ZFHX3: variants seen among roughly 807,000 people sequenced by gnomAD.
The protein encoded by ZFHX3 is zinc finger homeobox 3.
A neutral mutation model predicts 279.1 loss-of-function variants in ZFHX3; 42 were observed. That is an observed-to-expected ratio of 0.15 (90% CI 0.12 to 0.19). The LOEUF (loss-of-function observed/expected upper bound fraction) is 0.19, where lower values mean the gene tolerates loss of function less well. Among genes scored for constraint, ZFHX3 ranks in the 10% least tolerant of loss-of-function variants. The pLI, the probability that ZFHX3 is intolerant of heterozygous loss-of-function variation, is 1.00. For missense variants in ZFHX3, 4,981 were observed against 4,754.0 expected (o/e 1.05, Z -1.40); for synonymous variants, 2,293 against 1,957.8 (o/e 1.17, Z -4.52).
Position 73,809,079 on chromosome 16 carries a change from T to C in ZFHX3, c.-1608+82572A>G, listed in dbSNP as rs368663170. Among the ~76,000 whole-genome samples, 6 of 152,040 alleles carry C rather than the reference T, an allele frequency of 3.9e-5. No homozygotes were observed. In the East Asian group the frequency reaches 1.2e-3, roughly 29 times the overall value. On this transcript the variant is annotated intron_variant, in intron 1 of 17. Coordinates refer to the ZFHX3 transcript ENST00000641206. ...GTGCAATGTTTCCTAAAAGCAGGGG[T>C]TGATGGGAAGATGGGAGGAGGTACC...
At chr16:73,207,330 T>C (rs1443411507) in intron 5 of ZFHX3, among the ~76,000 whole-genome samples, 3 of 152,194 alleles carry the variant, frequency 2.0e-5, no homozygotes, top group Non-Finnish European at 2.9e-5. Context: ...TAAACGTTGT[T>C]CACTTTCCTC....
intron 1 of ZFHX3, among the ~76,000 whole-genome samples, chr16:73,725,544 T>G (rs9806839): frequency 2.8e-5 from 1 of 35,732 alleles, no homozygotes; most frequent in Non-Finnish European, 1.1e-4. Flanking sequence ...TGAGTGAGTG[T>G]GTGTGTGTGT....
At chr16:73,299,875 T>G (rs1053953038) in intron 4 of ZFHX3, among the ~76,000 whole-genome samples, 2 of 152,054 alleles carry the variant, frequency 1.3e-5, no homozygotes, top group Admixed American at 1.3e-4. Context: ...CAAAAACAAT[T>G]AGGGTAGTCT....
Position 72,797,986 on chromosome 16 carries a change from A to T in ZFHX3, c.4696T>A (p.Ser1566Thr). ...TTTAACTTATGCAGGTGGGAGACAG[A>T]ATTGTAGTGTACTAGCAGGATATTC... ...QKNILLVHYN[S>T]VSHLHKLKRA... is the part of the protein sequence containing the mutation. The change falls in exon 9 of 10, where the codon TCT (serine) becomes ACT (threonine). Residue 1566 changes from serine to threonine, a missense_variant. Ser to Thr is a moderately conservative substitution (Grantham distance 58, BLOSUM62 1). Transcript: ENST00000268489. 6.2e-7 allele frequency: 1 copy of T among 1,614,142 alleles called. No individual in the cohort carries two copies. Among genetic ancestry groups the T allele is most frequent in the Non-Finnish European group, 8.5e-7 (1 of 1,180,020 alleles).
In ZFHX3 at chr16:72,978,362, G is replaced by A. The variant is rs115516148; in HGVS notation, c.-49-18168C>T. On this transcript the variant is annotated intron_variant, in intron 1 of 9. Coordinates refer to ENST00000268489, the MANE Select transcript of ZFHX3 (RefSeq NM_006885.4). ...ACACAGCTGGAAGCAGCAGGCATAC[G>A]TGGAGCCTCTGAGGAGGTGATGCAA... Among the ~76,000 whole-genome samples, 1,379 of 152,288 alleles carry A rather than the reference G, an allele frequency of 9.1e-3. 20 individuals are homozygous for A. Among genetic ancestry groups the A allele is most frequent in the African/African-American group, 0.031 (1,292 of 41,546 alleles).
chr16:73,775,176 T>C (rs1329655297), intron 1 of ZFHX3, among the ~76,000 whole-genome samples: 2 of 152,230 alleles, frequency 1.3e-5, no homozygotes, highest in Non-Finnish European at 2.9e-5. Context: ...TTCTCAGGTT[T>C]AGCACAGTCC....
chr16:72,801,808 T>C (rs78521138), intron 7 of ZFHX3, among the ~76,000 whole-genome samples: 6,684 of 151,966 alleles, frequency 0.044, 675 homozygotes, highest in East Asian at 0.29. Flanking sequence ...CATTTCTGAC[T>C]AGTGTGGTTG....
intron 2 of ZFHX3, among the ~76,000 whole-genome samples, chr16:73,628,139 G>A (rs747242631): frequency 3.9e-5 from 6 of 152,056 alleles, no homozygotes; most frequent in Non-Finnish European, 8.8e-5. Flanking sequence ...CCTCCAACCC[G>A]TTAACTCCTT....
chr16:73,798,134 G>C (rs1389272056), intron 1 of ZFHX3, among the ~76,000 whole-genome samples: 1 of 151,976 alleles, frequency 6.6e-6, no homozygotes, highest in East Asian at 1.9e-4. Context: ...GTAACTATAA[G>C]GTAGTAATAA....
intron 1 of ZFHX3, among the ~76,000 whole-genome samples, chr16:72,982,540 G>A (rs1315787531): frequency 6.6e-6 from 1 of 152,220 alleles, no homozygotes; most frequent in African/African-American, 2.4e-5. Flanking sequence ...AAGATAGGAT[G>A]CCAAAGACCC....
At chr16:73,464,223 GGAGA>G (rs1291374331) in intron 2 of ZFHX3, among the ~76,000 whole-genome samples, 1 of 151,770 alleles carries the variant, frequency 6.6e-6, no homozygotes, top group African/African-American at 2.4e-5. Context: ...AGAGAGAGAG[GGAGA>G]GAGAGGTTAA....
intron 7 of ZFHX3, among the ~76,000 whole-genome samples, chr16:73,105,058 C>T (rs895557599): frequency 1.1e-4 from 16 of 151,986 alleles, no homozygotes; most frequent in Admixed American, 3.9e-4. Flanking sequence ...CTGTGCTTGG[C>T]GATGAGCTCT....
chr16:73,082,676 C>T (rs374840727), intron 8 of ZFHX3, among the ~76,000 whole-genome samples: 18 of 152,070 alleles, frequency 1.2e-4, no homozygotes, highest in Non-Finnish European at 2.2e-4. Context: ...TCCCTAGGCA[C>T]GAGGGAAGTG....
At chr16:73,820,054 T>C (rs1960688566) in intron 1 of ZFHX3, among the ~76,000 whole-genome samples, 1 of 152,108 alleles carries the variant, frequency 6.6e-6, no homozygotes, top group Non-Finnish European at 1.5e-5. Flanking sequence ...GTCTGACAAA[T>C]GCAACATGGC....
intron 4 of ZFHX3, among the ~76,000 whole-genome samples, chr16:73,288,690 G>A (rs1182147456): frequency 6.6e-6 from 1 of 151,668 alleles, no homozygotes; most frequent in Non-Finnish European, 1.5e-5. Context: ...CTTCGTTTGA[G>A]GCTTCTGCAG....
intron 2 of ZFHX3, among the ~76,000 whole-genome samples, chr16:73,626,393 C>A (rs1265388482): frequency 1.3e-5 from 2 of 152,030 alleles, no homozygotes; most frequent in Non-Finnish European, 2.9e-5. Context: ...AGATTTTCAT[C>A]TCTAAATGCA....
In ZFHX3 at chr16:72,981,983, A is replaced by G. The variant is rs187225041; in HGVS notation, c.-49-21789T>C. ...CTGCAACCTCCACCTCCCGGGTTCA[A>G]GCGATTCTCCTGCTTCAGCCTCCTG... On this transcript the variant is annotated intron_variant, in intron 1 of 9. Coordinates refer to ENST00000268489, the MANE Select transcript of ZFHX3 (RefSeq NM_006885.4). Among the ~76,000 whole-genome samples the G allele has an allele frequency of 1.1e-3, 167 of 151,126 alleles. 1 individual carries two copies. The highest frequency in any genetic ancestry group is 3.9e-3 in the African/African-American group (161 of 41,112).
intron 3 of ZFHX3, among the ~76,000 whole-genome samples, chr16:73,453,006 A>G (rs2018302984): frequency 1.3e-5 from 2 of 152,214 alleles, no homozygotes; most frequent in Non-Finnish European, 2.9e-5. Flanking sequence ...ACTGACCATG[A>G]GATATCTGTC....
At chr16:73,221,766 T>C (rs1405325208) in intron 5 of ZFHX3, among the ~76,000 whole-genome samples, 2 of 152,150 alleles carry the variant, frequency 1.3e-5, no homozygotes, top group Non-Finnish European at 2.9e-5. Context: ...TTGGTAGCAG[T>C]GATTTGTAAA....
Sources: allele counts gnomAD v4.1 joint callset (sites outside exome capture counted in the v4.1 genomes callset), GRCh38; gene constraint gnomAD v4.1.1; transcripts MANE v1.5; gene names NCBI Gene and HGNC (gene_info 2026-07-23, HGNC 2026-07-21).